Variants in PHACTR4 observed in about 807,000 individuals in gnomAD.
PHACTR4 encodes protein phosphatase 1, regulatory subunit 124.
Under a neutral mutation model 72.7 loss-of-function variants are expected in PHACTR4, and 51 were observed. The ratio of observed to expected loss-of-function variants is 0.70; its 90% confidence interval spans 0.56 to 0.89. The LOEUF is 0.89. PHACTR4 is among the 40% of genes least tolerant of loss of function. The pLI is 0.00. For missense variants in PHACTR4, 731 were observed against 861.8 expected (o/e 0.85, Z 1.90); for synonymous variants, 255 against 302.5 (o/e 0.84, Z 1.63).
chr1:28,423,648 T>C (rs1655652744), intron 2 of PHACTR4, among the ~76,000 whole-genome samples: 1 of 152,168 alleles, frequency 6.6e-6, no homozygotes. Context: ...AGATCCAGAT[T>C]ACTTAGATGT....
intron 2 of PHACTR4, among the ~76,000 whole-genome samples, chr1:28,412,238 C>G (rs968429933): frequency 3.9e-5 from 6 of 152,176 alleles, no homozygotes; most frequent in Non-Finnish European, 8.8e-5. Context: ...GACAGGCTTA[C>G]TTTTGAGAAA....
intron 6 of PHACTR4, among the ~76,000 whole-genome samples, chr1:28,470,844 T>C (rs142763713): frequency 0.1 from 15,712 of 150,696 alleles, 1,873 homozygotes; most frequent in African/African-American, 0.3. Context: ...GGCAGCATAG[T>C]GAGACCTTGT....
chr1:28,489,271 G>C, intron 10 of PHACTR4, 46 bp downstream of exon 10: 1 of 1,513,882 alleles, frequency 6.6e-7, no homozygotes, highest in Non-Finnish European at 9.1e-7. Context: ...TTCTTTGTAT[G>C]TTTCTGACTT....
chr1:28,385,579 A>G (rs1232334250), intron 1 of PHACTR4, among the ~76,000 whole-genome samples: 1 of 148,956 alleles, frequency 6.7e-6, no homozygotes, highest in African/African-American at 2.5e-5. Flanking sequence ...GGAGCAGGTC[A>G]TTCAATTTCC....
Position 28,488,287 on chromosome 1 carries a change from G to A in PHACTR4, c.1761-883G>A, listed in dbSNP as rs575923257. On this transcript the variant is annotated intron_variant, in intron 9 of 13. Transcript: ENST00000373839. The stretch of plus-strand genomic sequence containing the variant: ...CCGAGGCAGGCGGATCACAAGGTCA[G>A]GAGATCGAGACCATCCTGGCTAACA... Among the ~76,000 whole-genome samples, 572 of 151,618 alleles carry A rather than the reference G, an allele frequency of 3.8e-3. 5 individuals carry two copies. Among genetic ancestry groups the A allele is most frequent in the African/African-American group, 0.013 (553 of 41,386 alleles).
chr1:28,436,596 C>G (rs1656651899), intron 2 of PHACTR4, among the ~76,000 whole-genome samples: 1 of 152,104 alleles, frequency 6.6e-6, no homozygotes, highest in African/African-American at 2.4e-5. Flanking sequence ...ATATATTACT[C>G]AGAATTGTTA....
chr1:28,478,999 A>G (rs191075671), intron 8 of PHACTR4, among the ~76,000 whole-genome samples: 29 of 152,144 alleles, frequency 1.9e-4, no homozygotes, highest in Admixed American at 1.6e-3. Context: ...TTTGCCCCCA[A>G]TTTTAAAACT....
At chr1:28,455,252 G>A (rs1658307668) in intron 2 of PHACTR4, among the ~76,000 whole-genome samples, 1 of 129,124 alleles carries the variant, frequency 7.7e-6, no homozygotes, top group Non-Finnish European at 1.6e-5. Context: ...AGGCTGGAGT[G>A]CAGTGATGTG....
chr1:28,427,695 T>C (rs191957537), intron 2 of PHACTR4, among the ~76,000 whole-genome samples: 16 of 152,294 alleles, frequency 1.1e-4, no homozygotes, highest in Non-Finnish European at 1.9e-4. Context: ...GCCCACCTTA[T>C]TTTCCTTTCC....
rs764511110 is a variant in PHACTR4, at chr1:28,369,782, G to A, written c.-82G>A. On this transcript the variant is annotated 5_prime_UTR_variant, in exon 1 of 14. Coordinates refer to ENST00000373839, the MANE Select transcript of PHACTR4 (RefSeq NM_001048183.3). ...CCAACGGGCCAGGTAGGATTTCCGGGAGAGGCTGCTGTGGAGGCTGAGGAG... is the reference window on the plus strand; with the variant it reads ...CCAACGGGCCAGGTAGGATTTCCGGAAGAGGCTGCTGTGGAGGCTGAGGAG... 17 of 455,994 alleles carry A rather than the reference G, an allele frequency of 3.7e-5. No homozygotes were observed. Among genetic ancestry groups the A allele is most frequent in the Non-Finnish European group, 5.2e-5 (12 of 228,656 alleles). The allele number at this position is 455,994 out of a possible 1,614,324, so 28.2% of individuals were successfully genotyped here.
chr1:28,434,137 T>C lies in PHACTR4; in HGVS notation c.17-24948T>C, dbSNP rs548346931. ...ATGGACTTCCTTGGAAAATAAATAT[T>C]TCTTTTGGAGCTTAAAAATTCTTGG... On this transcript the variant is annotated intron_variant, in intron 2 of 13. Transcript: ENST00000373839. 8.5e-5 allele frequency among the ~76,000 whole-genome samples: 13 copies of C among 152,256 alleles called. 1 individual carries two copies. In the East Asian group the frequency reaches 2.3e-3, roughly 27 times the overall value.
At chr1:28,455,190 C>CTTTTTT (rs140757542) in intron 2 of PHACTR4, among the ~76,000 whole-genome samples, 1 of 108,368 alleles carries the variant, frequency 9.2e-6, no homozygotes. Context: ...TTTTCTTTTT[C>CTTTTTT]TTTCTTTCTT....
At chr1:28,435,993 A>G (rs1656607219) in intron 2 of PHACTR4, among the ~76,000 whole-genome samples, 1 of 152,188 alleles carries the variant, frequency 6.6e-6, no homozygotes, top group Middle Eastern at 3.2e-3. Context: ...TCTAATTACT[A>G]CCAGTATTAA....
At chr1:28,394,555 C>G (rs1304900411) in intron 1 of PHACTR4, among the ~76,000 whole-genome samples, 2 of 150,498 alleles carry the variant, frequency 1.3e-5, no homozygotes, top group African/African-American at 4.9e-5. Context: ...CCTACAGAAG[C>G]ACTAGGATTA....
rs552743101 is a variant in PHACTR4, at chr1:28,492,706, G to A, written c.2017-309G>A. 1.5e-3 allele frequency among the ~76,000 whole-genome samples: 231 copies of A among 152,178 alleles called. 2 individuals carry two copies. Among genetic ancestry groups the A allele is most frequent in the Non-Finnish European group, 2.9e-3 (199 of 68,036 alleles). ...ACCCAGGAGCTGAAGGTTGCAGTGA[G>A]CTGAGATTGCACCACTGCACTCCAG... On this transcript the variant is annotated intron_variant, in intron 12 of 13. Transcript: ENST00000373839.
Position 28,483,101 on chromosome 1 carries a change from T to G in PHACTR4, c.1760+2497T>G, listed in dbSNP as rs1424583873. Among the ~76,000 whole-genome samples the G allele has an allele frequency of 2.0e-5, 3 of 151,956 alleles. No individual in the cohort carries two copies. In the East Asian group the frequency reaches 5.9e-4, roughly 30 times the overall value. ...GCCTGTATGACCTCTGTGGTCTGAC[T>G]ACTTTGAAATTAAGGGAGAAGGCTG... On this transcript the variant is annotated intron_variant, in intron 9 of 13. Coordinates refer to ENST00000373839, the MANE Select transcript of PHACTR4 (RefSeq NM_001048183.3).
chr1:28,480,156 G>T (rs1395846053), intron 8 of PHACTR4, among the ~76,000 whole-genome samples: 1 of 152,184 alleles, frequency 6.6e-6, no homozygotes, highest in Non-Finnish European at 1.5e-5. Context: ...AATTCAGAGG[G>T]CTGTCCCATG....
intron 9 of PHACTR4, among the ~76,000 whole-genome samples, chr1:28,483,502 A>G (rs1290637522): frequency 6.6e-6 from 1 of 151,864 alleles, no homozygotes; most frequent in Non-Finnish European, 1.5e-5. Context: ...AAAATTACAA[A>G]AAAAAGAGAT....
intron 2 of PHACTR4, among the ~76,000 whole-genome samples, chr1:28,419,018 A>G (rs1349293154): frequency 1.2e-5 from 1 of 83,408 alleles, no homozygotes; most frequent in African/African-American, 7.2e-5. Context: ...TACTAATAAC[A>G]TTTTGATATA....
Sources: allele counts gnomAD v4.1 joint callset (sites outside exome capture counted in the v4.1 genomes callset), GRCh38; gene constraint gnomAD v4.1.1; transcripts MANE v1.5; gene names NCBI Gene and HGNC (gene_info 2026-07-23, HGNC 2026-07-21).